Variants in SPOP observed in about 807,000 individuals in gnomAD.
The protein encoded by SPOP is speckle-type POZ protein.
Under a neutral mutation model 45.6 loss-of-function variants are expected in SPOP, and 11 were observed. The observed-to-expected ratio is 0.24, with a 90% CI of 0.15 to 0.40. The LOEUF is 0.40. Among genes scored for constraint, SPOP ranks in the 10% least tolerant of loss-of-function variants. The probability of loss-of-function intolerance (pLI) is 1.00; values close to 1 mark genes in which losing one functional copy is unlikely to be tolerated. For missense variants in SPOP, 152 were observed against 465.6 expected (o/e 0.33, Z 6.20); for synonymous variants, 166 against 166.3 (o/e 1.00, Z 0.01).
intron 1 of SPOP, among the ~76,000 whole-genome samples, chr17:49,664,111 A>G (rs1027893532): frequency 6.6e-6 from 1 of 152,360 alleles, no homozygotes; most frequent in Middle Eastern, 3.4e-3. Flanking sequence ...TTAATGTAAC[A>G]GTAACATCAA....
At chr17:49,636,545 C>T (rs921235025) in intron 1 of SPOP, among the ~76,000 whole-genome samples, 3 of 152,150 alleles carry the variant, frequency 2.0e-5, no homozygotes, top group African/African-American at 7.2e-5. Context: ...TTATTTAACA[C>T]TGTAATAATT....
chr17:49,613,850 A>G (rs2072026996), intron 5 of SPOP, among the ~76,000 whole-genome samples: 1 of 152,232 alleles, frequency 6.6e-6, no homozygotes, highest in African/African-American at 2.4e-5. Flanking sequence ...CTAAAATGAG[A>G]CCATTCTGAG....
At chr17:49,640,652 T>C (rs2072629250) in intron 1 of SPOP, among the ~76,000 whole-genome samples, 1 of 152,206 alleles carries the variant, frequency 6.6e-6, no homozygotes, top group South Asian at 2.1e-4. Context: ...TCATGGCCTC[T>C]GATGGAACCT....
At chr17:49,668,454 G>A (rs2073091284) in intron 1 of SPOP, among the ~76,000 whole-genome samples, 2 of 152,046 alleles carry the variant, frequency 1.3e-5, no homozygotes, top group Non-Finnish European at 2.9e-5. Flanking sequence ...GAATGGTATT[G>A]ACTGGAGTAT....
intron 1 of SPOP, among the ~76,000 whole-genome samples, chr17:49,624,201 T>C (rs990699505): frequency 6.6e-6 from 1 of 152,116 alleles, no homozygotes; most frequent in African/African-American, 2.4e-5. Context: ...TAGGATGAAT[T>C]CATCTAGAGA....
chr17:49,611,164 C>T (rs10514970), intron 6 of SPOP, 116 bp downstream of exon 6: 85,660 of 1,080,484 alleles, frequency 0.079, 3,890 homozygotes, highest in Admixed American at 0.14. Context: ...TATTTAGCTG[C>T]AGTTTGTTTT....
intron 3 of SPOP, chr17:49,620,809 C>G (rs968446609): frequency 6.5e-6 from 1 of 153,394 alleles, no homozygotes; most frequent in African/African-American, 2.4e-5. Flanking sequence ...TAAGCCTTAT[C>G]TGTATTATTG....
intron 1 of SPOP, among the ~76,000 whole-genome samples, chr17:49,644,717 C>T (rs2072721974): frequency 6.6e-6 from 1 of 152,108 alleles, no homozygotes; most frequent in Non-Finnish European, 1.5e-5. Flanking sequence ...TGCTGCAGAA[C>T]TTATATACAT....
At chr17:49,677,650 C>T (rs1298715872) in intron 1 of SPOP, among the ~76,000 whole-genome samples, 2 of 151,250 alleles carry the variant, frequency 1.3e-5, no homozygotes, top group South Asian at 2.1e-4. Flanking sequence ...CAGGCGACAG[C>T]TCAGTATTTG....
intron 5 of SPOP, among the ~76,000 whole-genome samples, chr17:49,613,681 T>C (rs764341103): frequency 1.1e-4 from 16 of 152,316 alleles, no homozygotes; most frequent in African/African-American, 3.4e-4. Flanking sequence ...TGTAGATATA[T>C]AGATGCCTGG....
intron 1 of SPOP, among the ~76,000 whole-genome samples, chr17:49,677,529 T>C (rs1354508056): frequency 6.6e-6 from 1 of 152,202 alleles, no homozygotes; most frequent in Non-Finnish European, 1.5e-5. Flanking sequence ...CTCCACCGGC[T>C]CTTTATCCCG....
chr17:49,655,234 G>C (rs945391420), intron 1 of SPOP, among the ~76,000 whole-genome samples: 1 of 152,110 alleles, frequency 6.6e-6, no homozygotes, highest in African/African-American at 2.4e-5. Context: ...AATTCTTGCC[G>C]GGCGCAGTGG....
chr17:49,625,212 A>G (rs985079468), intron 1 of SPOP, among the ~76,000 whole-genome samples: 5 of 152,250 alleles, frequency 3.3e-5, no homozygotes, highest in Non-Finnish European at 5.9e-5. Context: ...GGCACCATTA[A>G]TAACAGTGAA....
intron 1 of SPOP, among the ~76,000 whole-genome samples, chr17:49,643,343 C>T (rs1263123027): frequency 6.6e-6 from 1 of 152,102 alleles, no homozygotes; most frequent in Non-Finnish European, 1.5e-5. Flanking sequence ...ATATACTCAA[C>T]CTCACAATAA....
At chr17:49,662,814 G>T (rs1215939436) in intron 1 of SPOP, among the ~76,000 whole-genome samples, 3 of 152,066 alleles carry the variant, frequency 2.0e-5, no homozygotes, top group Non-Finnish European at 2.9e-5. Flanking sequence ...TTAAGTGACT[G>T]CACTAACGAT....
chr17:49,627,635 T>C lies in SPOP; in HGVS notation c.-66-4759A>G, dbSNP rs768174455. Among the ~76,000 whole-genome samples, 6 of 152,216 alleles carry C rather than the reference T, an allele frequency of 3.9e-5. No homozygotes were observed. In the South Asian group the frequency reaches 8.3e-4, roughly 21 times the overall value. On this transcript the variant is annotated intron_variant, in intron 1 of 9. Transcript: ENST00000504102. ...AACTGATCTAACAATGAACAATTTATGAATTATCTAAGCCCAGGAAAAGGC... is the reference window on the plus strand; with the variant it reads ...AACTGATCTAACAATGAACAATTTACGAATTATCTAAGCCCAGGAAAAGGC...
intron 1 of SPOP, among the ~76,000 whole-genome samples, chr17:49,675,540 C>T (rs897984203): frequency 6.6e-6 from 1 of 152,206 alleles, no homozygotes; most frequent in African/African-American, 2.4e-5. Context: ...ACTTCACTCT[C>T]TGTGTACCTT....
At chr17:49,623,196 C>T (rs902705317) in intron 1 of SPOP, among the ~76,000 whole-genome samples, 8 of 151,962 alleles carry the variant, frequency 5.3e-5, no homozygotes, top group Non-Finnish European at 8.8e-5. Flanking sequence ...TTAGCAGAGA[C>T]GGGGTTTCTC....
chr17:49,634,340 CAT>C (rs978403855), intron 1 of SPOP, among the ~76,000 whole-genome samples: 1 of 152,160 alleles, frequency 6.6e-6, no homozygotes, highest in African/African-American at 2.4e-5. Context: ...ACACGTCCCA[CAT>C]GTTATAAAAG....
Sources: gnomAD v4.1 joint callset for allele counts (sites outside exome capture counted in the v4.1 genomes callset) on GRCh38, gnomAD v4.1.1 for gene constraint, MANE v1.5 for transcripts, NCBI Gene and HGNC (gene_info 2026-07-23, HGNC 2026-07-21) for gene names.